The following SMOX variants were observed in gnomAD, a reference collection of about 807,000 sequenced individuals.
SMOX encodes spermine oxidase, also known as flavin containing amine oxidase.
SMOX carries 22 observed loss-of-function variants against 51.0 expected under a neutral mutation model. The observed-to-expected ratio is 0.43, with a 90% CI of 0.31 to 0.62. SMOX has a LOEUF of 0.62. Ranked by LOEUF, SMOX falls within the 20% of genes least tolerant of loss-of-function variation. SMOX has a pLI of 0.10. For synonymous variants in SMOX, 282 were observed against 307.8 expected (o/e 0.92, Z 0.88); for missense variants, 566 against 777.7 (o/e 0.73, Z 3.24).
rs1978476966 is a variant in SMOX, at chr20:4,172,499, G to GGAC, written c.-26-2529_-26-2528insCGA. Reference sequence around the variant, plus strand: ...GCCCTGATCCGTGTCCTCTCGGGAGGGAGGCAGGACCTAGCATCTCTGGGG... The same window carrying GGAC: ...GCCCTGATCCGTGTCCTCTCGGGAGGGACGAGGCAGGACCTAGCATCTCTGGGG... On this transcript the variant is annotated intron_variant, in intron 1 of 6. Coordinates refer to ENST00000305958, the MANE Select transcript of SMOX (RefSeq NM_175839.3). The surrounding 1 kb of genome is among the most constrained non-coding windows in gnomAD (Gnocchi z 7.7). Among the ~76,000 whole-genome samples the GGAC allele has an allele frequency of 2.0e-5, 3 of 152,270 alleles. No homozygotes were observed. The South Asian group carries it at 6.2e-4, about 32-fold the overall frequency.
chr20:4,181,711 C>T lies in SMOX; in HGVS notation c.436-92C>T, dbSNP rs1979335872. The T allele has an allele frequency of 1.4e-6, 2 of 1,442,196 alleles. No individual in the cohort carries two copies. Among genetic ancestry groups the T allele is most frequent in the African/African-American group, 1.4e-5 (1 of 71,014 alleles). The allele number at this position is 1,442,196 out of a possible 1,614,324, so 89.3% of individuals were successfully genotyped here. A position where few individuals can be genotyped will look rare whatever the true frequency, so the allele number is the denominator to read the frequency against. On this transcript the variant is annotated intron_variant, in intron 3 of 6. Coordinates refer to ENST00000305958, the MANE Select transcript of SMOX (RefSeq NM_175839.3). The surrounding 1 kb of genome is among the most constrained non-coding windows in gnomAD (Gnocchi z 5.6). ...CCAGGGGCTCAGTGCATCCAGGGGACACCTGGGAACTGGTGGGTTTGGGTT... is the reference window on the plus strand; with the variant it reads ...CCAGGGGCTCAGTGCATCCAGGGGATACCTGGGAACTGGTGGGTTTGGGTT...
chr20:4,155,140 C>T (rs1985949651), intron 1 of SMOX, among the ~76,000 whole-genome samples: 1 of 152,142 alleles, frequency 6.6e-6, no homozygotes, highest in African/African-American at 2.4e-5. Context: ...GGCAACCAAT[C>T]TGGGGTGAGC....
intron 1 of SMOX, among the ~76,000 whole-genome samples, chr20:4,152,073 GA>G (rs1985792049): frequency 6.6e-6 from 1 of 152,348 alleles, no homozygotes; most frequent in South Asian, 2.1e-4. Context: ...AATGGGATGT[GA>G]AAAAGGGAAG....
intron 2 of SMOX, chr20:4,176,188 T>C (rs1451508499): frequency 6.6e-6 from 1 of 152,058 alleles, no homozygotes; most frequent in Non-Finnish European, 1.5e-5. Context: ...GTCTGGCTAA[T>C]TTTTATATTT....
intron 1 of SMOX, among the ~76,000 whole-genome samples, chr20:4,168,032 G>T (rs573282617): frequency 6.6e-6 from 1 of 150,672 alleles, no homozygotes; most frequent in African/African-American, 2.4e-5. Context: ...AGACTTCCAG[G>T]CAGTCCAAAG....
chr20:4,160,934 A>G (rs1464683587), intron 1 of SMOX, among the ~76,000 whole-genome samples: 1 of 151,370 alleles, frequency 6.6e-6, no homozygotes, highest in Non-Finnish European at 1.5e-5. Context: ...CGGAGACCCC[A>G]CCCCCTCCCC....
chr20:4,151,510 T>A (rs1171066304), intron 1 of SMOX, among the ~76,000 whole-genome samples: 1 of 152,160 alleles, frequency 6.6e-6, no homozygotes, highest in African/African-American at 2.4e-5. Context: ...CACTGTCCCC[T>A]TTGCATTCTC....
intron 2 of SMOX, chr20:4,176,024 T>A (rs1978822599): frequency 6.7e-6 from 1 of 148,788 alleles, no homozygotes; most frequent in Non-Finnish European, 1.5e-5. Context: ...GAGGAGTTTT[T>A]TTTTTTTTTT....
At chr20:4,174,424 A>C (rs1042330343) in intron 1 of SMOX, among the ~76,000 whole-genome samples, 2 of 151,544 alleles carry the variant, frequency 1.3e-5, no homozygotes, top group African/African-American at 2.4e-5. Context: ...CTTGGGGTCC[A>C]GGCAAGTGTC....
intron 6 of SMOX, chr20:4,186,858 T>C (rs374930616): frequency 3.7e-5 from 29 of 778,590 alleles, no homozygotes; most frequent in Non-Finnish European, 5.3e-5. Flanking sequence ...ACCGACTTTA[T>C]TGAGTGCTTT....
In SMOX at chr20:4,172,943, G is replaced by A. The variant is rs1978534383; in HGVS notation, c.-26-2087G>A. The stretch of plus-strand genomic sequence containing the variant: ...GAAAAAGCCTCCTTTGTTCACCCAT[G>A]TCACTTAAGGGATGTTAAGGACGCT... On this transcript the variant is annotated intron_variant, in intron 1 of 6. Transcript: ENST00000305958. The surrounding 1 kb of genome is among the most constrained non-coding windows in gnomAD (Gnocchi z 7.7). 6.6e-6 allele frequency among the ~76,000 whole-genome samples: 1 copy of A among 152,188 alleles called. No individual in the cohort carries two copies. The highest frequency in any genetic ancestry group is 1.5e-5 in the Non-Finnish European group (1 of 68,032).
chr20:4,182,666 C>A lies in SMOX; in HGVS notation c.1187C>A (p.Thr396Asn). The A allele has an allele frequency of 1.2e-6, 2 of 1,614,136 alleles. No individual in the cohort carries two copies. The highest frequency in any genetic ancestry group is 1.7e-6 in the Non-Finnish European group (2 of 1,180,018). Residue 396 changes from threonine (T) to asparagine (N), a missense_variant, in exon 5 of 7, where the codon ACC (threonine) becomes AAC (asparagine). Physicochemically the swap from Thr to Asn is moderately conservative, Grantham distance 65. Coordinates refer to ENST00000305958, the MANE Select transcript of SMOX (RefSeq NM_175839.3). This position sits in a 1 kb window ranked among gnomAD's most constrained non-coding sequence, Gnocchi z 8.4. ...TGGGAGGACGAAGCAGAGAGCCACA[C>A]CCTCACCTACCCACCTGAGCTCTGG... ...FVWEDEAESH[T>N]LTYPPELWYR...
chr20:4,182,919 C>A lies in SMOX; in HGVS notation c.1369+71C>A, dbSNP rs140708082. 12,957 of 1,514,350 alleles carry A rather than the reference C, an allele frequency of 8.6e-3. 73 individuals are homozygous for A. The highest frequency in any genetic ancestry group is 0.01 in the Non-Finnish European group (11,669 of 1,134,574). The allele number at this position is 1,514,350 out of a possible 1,614,324, so 93.8% of individuals were successfully genotyped here. On this transcript the variant is annotated intron_variant, in intron 5 of 6. Transcript: ENST00000305958. This position sits in a 1 kb window ranked among gnomAD's most constrained non-coding sequence, Gnocchi z 8.4. ...CTCACCTGCCCTCCTCTGGTGGACCCATGGCAGCTCTCTCCTCCCCAGACC... is the reference window on the plus strand; with the variant it reads ...CTCACCTGCCCTCCTCTGGTGGACCAATGGCAGCTCTCTCCTCCCCAGACC...
In SMOX at chr20:4,172,971, G is replaced by A. The variant is rs10211774; in HGVS notation, c.-26-2059G>A. Among the ~76,000 whole-genome samples, 24,051 of 152,094 alleles carry A rather than the reference G, an allele frequency of 0.16. 1,930 individuals carry two copies. Among genetic ancestry groups the A allele is most frequent in the East Asian group, 0.26 (1,363 of 5,158 alleles). On this transcript the variant is annotated intron_variant, in intron 1 of 6. Transcript: ENST00000305958. The surrounding 1 kb of genome is among the most constrained non-coding windows in gnomAD (Gnocchi z 7.7). ...ACTTAAGGGATGTTAAGGACGCTGC[G>A]GTTCCAAGTGGGATAGAAACCTCAG... is the stretch of plus-strand genomic sequence containing the variant.
intron 1 of SMOX, among the ~76,000 whole-genome samples, chr20:4,168,803 C>T (rs138435309): frequency 0.077 from 11,622 of 151,560 alleles, 581 homozygotes; most frequent in African/African-American, 0.13. Context: ...GTGATCCGCC[C>T]GCCTCGGCCT....
At position 4,181,729 on chromosome 20, in the gene SMOX, T is replaced by A; in HGVS notation, c.436-74T>A. 6.5e-7 allele frequency: 1 copy of A among 1,544,012 alleles called. No homozygotes were observed. The highest frequency in any genetic ancestry group is 8.8e-7 in the Non-Finnish European group (1 of 1,137,278). The stretch of plus-strand genomic sequence containing the variant: ...CAGGGGACACCTGGGAACTGGTGGG[T>A]TTGGGTTGGGGGCCTTCTGTTTGAG... On this transcript the variant is annotated intron_variant, in intron 3 of 6. Transcript: ENST00000305958. This position sits in a 1 kb window ranked among gnomAD's most constrained non-coding sequence, Gnocchi z 5.6.
At position 4,187,427 on chromosome 20, in the gene SMOX, G is replaced by A. The variant is rs1979829025; in HGVS notation, c.*20G>A. 6.2e-7 allele frequency: 1 copy of A among 1,608,956 alleles called. No homozygotes were observed. On this transcript the variant is annotated 3_prime_UTR_variant, in exon 7 of 7. Transcript: ENST00000305958. The surrounding 1 kb of genome is among the most constrained non-coding windows in gnomAD (Gnocchi z 4.8). ...ACCTGAGGGCTGTCCTCGCTGCTGA[G>A]AAGAGCCACTAACTCGTGACCTCCA...
rs754520635 is a variant in SMOX, at chr20:4,182,169, C to A, written c.690C>A (p.Gly230=). 1.9e-6 allele frequency: 3 copies of A among 1,613,282 alleles called. No homozygotes were observed. The highest frequency in any genetic ancestry group is 2.5e-6 in the Non-Finnish European group (3 of 1,179,962). Residue 230 remains glycine, a synonymous_variant, in exon 5 of 7, where the codon GGC becomes GGA. Transcript: ENST00000305958. This position sits in a 1 kb window ranked among gnomAD's most constrained non-coding sequence, Gnocchi z 8.4. ...SAFGEWTEIP[G]AHHIIPSGFM... is the part of the protein sequence containing the mutation. ...TCGGGGAGTGGACCGAGATCCCCGG[C>A]GCTCACCACATCATCCCCTCGGGCT...
chr20:4,171,556 G>A (rs1406897327), intron 1 of SMOX, among the ~76,000 whole-genome samples: 1 of 152,182 alleles, frequency 6.6e-6, no homozygotes, highest in Non-Finnish European at 1.5e-5. Context: ...GGCTTATCTG[G>A]GACAGGGCCT....
Sources: allele counts gnomAD v4.1 joint callset (sites outside exome capture counted in the v4.1 genomes callset), GRCh38; gene constraint gnomAD v4.1.1; non-coding constraint Gnocchi (gnomAD v3.1); transcripts MANE v1.5; gene names NCBI Gene and HGNC (gene_info 2026-07-23, HGNC 2026-07-21).